The following SORCS1 variants were observed in gnomAD, a reference collection of about 807,000 sequenced individuals.
SORCS1 encodes sortilin related VPS10 domain containing receptor 1, also known as VPS10 domain-containing receptor SorCS1.
SORCS1 carries 60 observed loss-of-function variants against 146.1 expected under a neutral mutation model. That is an observed-to-expected ratio of 0.41 (90% CI 0.33 to 0.51). SORCS1 has a LOEUF of 0.51. Ranked by LOEUF, SORCS1 falls within the 20% of genes least tolerant of loss-of-function variation. SORCS1 has a pLI of 0.21. For synonymous variants in SORCS1, 637 were observed against 584.0 expected (o/e 1.09, Z -1.31); for missense variants, 1,352 against 1,487.6 (o/e 0.91, Z 1.50).
At chr10:107,146,462 T>C (rs1968333425) in intron 1 of SORCS1, among the ~76,000 whole-genome samples, 1 of 152,162 alleles carries the variant, frequency 6.6e-6, no homozygotes, top group African/African-American at 2.4e-5. Flanking sequence ...GATCATAACG[T>C]CTCAAAGACT....
chr10:107,027,629 C>T (rs1958468316), intron 1 of SORCS1, among the ~76,000 whole-genome samples: 1 of 152,158 alleles, frequency 6.6e-6, no homozygotes, highest in African/African-American at 2.4e-5. Context: ...TCAAGGACAG[C>T]CATGGAAAAC....
intron 6 of SORCS1, among the ~76,000 whole-genome samples, chr10:106,718,336 C>T (rs1401692572): frequency 6.6e-6 from 1 of 152,192 alleles, no homozygotes; most frequent in African/African-American, 2.4e-5. Flanking sequence ...CAATTGGTTC[C>T]TTCTGGTGGG....
At chr10:106,899,713 A>G (rs1951627599) in intron 2 of SORCS1, among the ~76,000 whole-genome samples, 3 of 147,808 alleles carry the variant, frequency 2.0e-5, no homozygotes, top group Non-Finnish European at 4.4e-5. Flanking sequence ...CTTTCTGTGT[A>G]GAGTCTTTTA....
intron 1 of SORCS1, among the ~76,000 whole-genome samples, chr10:107,085,804 C>T (rs750453560): frequency 3.3e-5 from 5 of 152,144 alleles, no homozygotes; most frequent in Non-Finnish European, 5.9e-5. Flanking sequence ...ATGATTTTCT[C>T]AAGAAGAGTA....
chr10:106,707,386 G>T (rs1854610158), intron 7 of SORCS1, among the ~76,000 whole-genome samples: 1 of 151,850 alleles, frequency 6.6e-6, no homozygotes, highest in African/African-American at 2.4e-5. Context: ...AGATGGTGGG[G>T]GGGAGGGTTT....
chr10:106,718,122 AAAG>A (rs1348659664), intron 6 of SORCS1, among the ~76,000 whole-genome samples: 15 of 152,218 alleles, frequency 9.9e-5, no homozygotes, highest in Non-Finnish European at 1.8e-4. Context: ...ATTATTCCAG[AAAG>A]AAGGAGCACT....
At chr10:106,928,492 C>T (rs1953206173) in intron 2 of SORCS1, among the ~76,000 whole-genome samples, 1 of 152,240 alleles carries the variant, frequency 6.6e-6, no homozygotes, top group Non-Finnish European at 1.5e-5. Context: ...CACCTCCCTG[C>T]AAGCTGAGGG....
chr10:106,994,002 A>G (rs1956882561), intron 1 of SORCS1, among the ~76,000 whole-genome samples: 1 of 141,192 alleles, frequency 7.1e-6, no homozygotes, highest in Non-Finnish European at 1.5e-5. Context: ...TGGAGACTGC[A>G]GTGAGCCAAG....
At chr10:107,178,950 A>G in the SORCS1 span, among the ~76,000 whole-genome samples, 29 of 152,270 alleles carry the variant, frequency 1.9e-4, 1 homozygote, top group Admixed American at 1.8e-3. Flanking sequence ...CCTTTGATAT[A>G]CTGATTTCCT....
At chr10:106,980,368 C>A (rs979757655) in intron 1 of SORCS1, among the ~76,000 whole-genome samples, 17 of 152,188 alleles carry the variant, frequency 1.1e-4, no homozygotes, top group African/African-American at 4.1e-4. Context: ...ACATGTTAAA[C>A]CAAGTTTGAT....
chr10:106,660,290 C>G (rs1387464961), intron 17 of SORCS1, among the ~76,000 whole-genome samples: 1 of 152,112 alleles, frequency 6.6e-6, no homozygotes, highest in East Asian at 1.9e-4. Context: ...ACATATTATA[C>G]ATATTTATAA....
chr10:106,676,142 C>A (rs1212419013), intron 13 of SORCS1, among the ~76,000 whole-genome samples: 1 of 152,102 alleles, frequency 6.6e-6, no homozygotes, highest in Admixed American at 6.6e-5. Context: ...CTCTCTTTTG[C>A]AGCTTTCCCT....
At chr10:106,915,493 C>A (rs1564806129) in intron 2 of SORCS1, among the ~76,000 whole-genome samples, 1 of 152,154 alleles carries the variant, frequency 6.6e-6, no homozygotes, top group Admixed American at 6.5e-5. Context: ...CCACTGCCAT[C>A]CTGCCAACCT....
chr10:106,837,361 G>A (rs150920468), intron 2 of SORCS1, among the ~76,000 whole-genome samples: 156 of 151,992 alleles, frequency 1.0e-3, no homozygotes, highest in Non-Finnish European at 2.0e-3. Flanking sequence ...TCCTCCCCTT[G>A]CTCTTCAACC....
chr10:107,039,176 A>G (rs1959051669), intron 1 of SORCS1, among the ~76,000 whole-genome samples: 2 of 151,928 alleles, frequency 1.3e-5, no homozygotes, highest in South Asian at 4.2e-4. Flanking sequence ...AAAATACAAA[A>G]AAATAGCCGG....
At chr10:107,069,250 C>T (rs1333158541) in intron 1 of SORCS1, among the ~76,000 whole-genome samples, 2 of 152,184 alleles carry the variant, frequency 1.3e-5, no homozygotes, top group Non-Finnish European at 2.9e-5. Flanking sequence ...AAAACTGTGA[C>T]ATCTACGTTT....
chr10:107,157,463 T>C lies in SORCS1; in HGVS notation c.558+6506A>G, dbSNP rs537988132. The stretch of plus-strand genomic sequence containing the variant: ...TTGTCTTTCCTATCTTATAGAATCG[T>C]GGTGAGAAAAAATACCTTAAGTAAT... On this transcript the variant is annotated intron_variant, in intron 1 of 25. Transcript: ENST00000263054. Among the ~76,000 whole-genome samples the C allele has an allele frequency of 1.1e-4, 16 of 152,290 alleles. No homozygotes were observed. In the South Asian group the frequency reaches 3.3e-3, roughly 32 times the overall value.
intron 1 of SORCS1, among the ~76,000 whole-genome samples, chr10:107,084,769 A>T (rs540152976): frequency 1.0e-3 from 152 of 152,274 alleles, no homozygotes; most frequent in African/African-American, 3.5e-3. Flanking sequence ...AGACTAAGTA[A>T]ATTCTACAAA....
chr10:106,813,128 C>CTTT (rs71025557), intron 3 of SORCS1, among the ~76,000 whole-genome samples: 190 of 98,700 alleles, frequency 1.9e-3, no homozygotes, highest in Non-Finnish European at 2.5e-3. Flanking sequence ...CTTCTCTTTT[C>CTTT]TTTTTTTTTT....
Sources: gnomAD v4.1 joint callset for allele counts (sites outside exome capture counted in the v4.1 genomes callset) on GRCh38, gnomAD v4.1.1 for gene constraint, MANE v1.5 for transcripts, NCBI Gene and HGNC (gene_info 2026-07-23, HGNC 2026-07-21) for gene names.